MRTFB: variants seen among roughly 807,000 people sequenced by gnomAD.
MRTFB encodes myocardin-related transcription factor B.
MRTFB carries 29 observed loss-of-function variants against 104.2 expected under a neutral mutation model. That is an observed-to-expected ratio of 0.28 (90% CI 0.21 to 0.38). The LOEUF (loss-of-function observed/expected upper bound fraction) is 0.38, where lower values mean the gene tolerates loss of function less well. Ranked by LOEUF, MRTFB falls within the 10% of genes least tolerant of loss-of-function variation. The pLI is 1.00. For synonymous variants in MRTFB, 535 were observed against 519.5 expected, an observed-to-expected ratio of 1.03 and a Z score of -0.41; for missense variants, 1,270 against 1,341.6, an observed-to-expected ratio of 0.95 and a Z score of 0.83.
At chr16:14,183,850 G>A (rs2039850942) in intron 3 of MRTFB, among the ~76,000 whole-genome samples, 1 of 151,876 alleles carries the variant, frequency 6.6e-6, no homozygotes, top group Non-Finnish European at 1.5e-5. Context: ...TTTTCTTATT[G>A]GGATTTTGAG....
chr16:14,157,391 A>G (rs914251247), intron 3 of MRTFB, among the ~76,000 whole-genome samples: 11 of 152,260 alleles, frequency 7.2e-5, no homozygotes, highest in African/African-American at 2.7e-4. Context: ...ACACATCAGC[A>G]TGATCATGGA....
At chr16:14,226,679 C>G (rs1324594617) in intron 8 of MRTFB, among the ~76,000 whole-genome samples, 1 of 152,108 alleles carries the variant, frequency 6.6e-6, no homozygotes, top group Non-Finnish European at 1.5e-5. Flanking sequence ...AGAAATCTTT[C>G]CTCAAAACGT....
intron 3 of MRTFB, chr16:14,148,596 T>C (rs1265902251): frequency 2.0e-5 from 3 of 152,676 alleles, no homozygotes; most frequent in Admixed American, 1.3e-4. Flanking sequence ...ATCATGTTTT[T>C]CTGACTCCTT....
rs1009819663 is a variant in MRTFB, at chr16:14,071,883, C to T, written c.-129+518C>T. On this transcript the variant is annotated intron_variant, in intron 1 of 16. Transcript: ENST00000571589. ...AGGCTTCAGAGGGGGTGTCTGGGAG[C>T]GCCCTGAAGTTGGATGCAGCTTGGT... Among the ~76,000 whole-genome samples, 4 of 152,268 alleles carry T rather than the reference C, an allele frequency of 2.6e-5. No homozygotes were observed. In the East Asian group the frequency reaches 7.7e-4, roughly 29 times the overall value.
intron 2 of MRTFB, among the ~76,000 whole-genome samples, chr16:14,108,230 G>T (rs907170310): frequency 6.6e-6 from 1 of 152,140 alleles, no homozygotes; most frequent in Non-Finnish European, 1.5e-5. Flanking sequence ...TTCAGGAAAT[G>T]GAATTATTTA....
intron 2 of MRTFB, among the ~76,000 whole-genome samples, chr16:14,109,363 C>T (rs148849587): frequency 6.6e-6 from 1 of 152,202 alleles, no homozygotes; most frequent in Non-Finnish European, 1.5e-5. Flanking sequence ...GTTTAAGTTT[C>T]TGAGATGCTT....
the MRTFB span, among the ~76,000 whole-genome samples, chr16:14,060,065 G>T: frequency 7.2e-6 from 1 of 138,736 alleles, no homozygotes; most frequent in Non-Finnish European, 1.5e-5. Context: ...GAAGTGCAGT[G>T]GCGCAATCTC....
At chr16:14,204,683 G>A (rs2034891750) in intron 3 of MRTFB, among the ~76,000 whole-genome samples, 1 of 152,146 alleles carries the variant, frequency 6.6e-6, no homozygotes, top group Admixed American at 6.5e-5. Context: ...AACTGTAAAT[G>A]TTAGCCCTAA....
chr16:14,194,702 C>CTTTTT (rs5815818), intron 3 of MRTFB, among the ~76,000 whole-genome samples: 1 of 123,560 alleles, frequency 8.1e-6, no homozygotes. Context: ...GTATGCTTTT[C>CTTTTT]TTTTTTTTTT....
rs914318191 is a variant in MRTFB at position 14,115,000 on chromosome 16, T to A, written c.-63-25544T>A. On this transcript the variant is annotated intron_variant, in intron 2 of 16. Transcript: ENST00000571589. ...GAATGAATGAGAGTGAGTCCTAGGT[T>A]ATTCCTCCTTGCCACCACAGCCATG... 9.2e-5 allele frequency among the ~76,000 whole-genome samples: 14 copies of A among 152,332 alleles called. 1 individual carries two copies. Among genetic ancestry groups the A allele is most frequent in the Admixed American group, 1.3e-4 (2 of 15,302 alleles).
At chr16:14,242,254 G>A (rs931535075) in intron 10 of MRTFB, among the ~76,000 whole-genome samples, 1 of 152,152 alleles carries the variant, frequency 6.6e-6, no homozygotes. Flanking sequence ...AGAGGTGTGG[G>A]CTTGCTGAAC....
At chr16:14,259,802 C>T (rs1259154361) in intron 16 of MRTFB, among the ~76,000 whole-genome samples, 1 of 152,150 alleles carries the variant, frequency 6.6e-6, no homozygotes, top group Non-Finnish European at 1.5e-5. Context: ...ACTTAGATGA[C>T]ACTTAAAGCT....
chr16:14,035,768 T>A, the MRTFB span, among the ~76,000 whole-genome samples: 1 of 152,056 alleles, frequency 6.6e-6, no homozygotes, highest in South Asian at 2.1e-4. Context: ...CAGTATTTGG[T>A]TACATGAGTA....
At chr16:14,022,746 C>CTTT in the MRTFB span, among the ~76,000 whole-genome samples, 4 of 88,658 alleles carry the variant, frequency 4.5e-5, no homozygotes, top group African/African-American at 1.7e-4. Context: ...TAATACTGTT[C>CTTT]TTTTTTTTTT....
At chr16:14,246,115 C>A (rs2043002961) in intron 11 of MRTFB, among the ~76,000 whole-genome samples, 1 of 152,206 alleles carries the variant, frequency 6.6e-6, no homozygotes, top group Non-Finnish European at 1.5e-5. Context: ...ACGGACACCT[C>A]ATGGGGTCGT....
intron 16 of MRTFB, among the ~76,000 whole-genome samples, chr16:14,258,935 T>C (rs911065393): frequency 2.0e-5 from 3 of 152,200 alleles, no homozygotes; most frequent in African/African-American, 7.2e-5. Flanking sequence ...AATTCCTGGA[T>C]AGTATTTGCA....
intron 2 of MRTFB, among the ~76,000 whole-genome samples, chr16:14,131,547 AATCT>A (rs2037439881): frequency 6.6e-6 from 1 of 152,220 alleles, no homozygotes; most frequent in Non-Finnish European, 1.5e-5. Context: ...AATATTTGCA[AATCT>A]ATAAGGATCT....
At chr16:14,003,579 C>T in the MRTFB span, among the ~76,000 whole-genome samples, 2 of 151,996 alleles carry the variant, frequency 1.3e-5, no homozygotes, top group East Asian at 3.9e-4. Context: ...GGGAAGACCA[C>T]TGCTTGAGCC....
chr16:14,246,532 G>A lies in MRTFB; in HGVS notation c.1272G>A (p.Pro424=), dbSNP rs139612091. The A allele has an allele frequency of 2.8e-5, 45 of 1,613,990 alleles. No homozygotes were observed. Among genetic ancestry groups the A allele is most frequent in the African/African-American group, 8.0e-5 (6 of 74,880 alleles). The change falls in exon 12 of 17, where the codon CCG becomes CCA. Residue 424 remains proline (P), a synonymous_variant. Coordinates refer to ENST00000571589, the MANE Select transcript of MRTFB (RefSeq NM_001308142.2). ...LRGLPVSGTK[P]DLIERLKPYQ... ...GTCTGCCAGTGTCAGGCACCAAACC[G>A]GACCTCATTGAGCGCCTAAAACCCT...
Sources: gnomAD v4.1 joint callset for allele counts (sites outside exome capture counted in the v4.1 genomes callset) on GRCh38, gnomAD v4.1.1 for gene constraint, MANE v1.5 for transcripts, NCBI Gene and HGNC (gene_info 2026-07-23, HGNC 2026-07-21) for gene names.